The following DDX10 variants were observed in gnomAD, a reference collection of about 807,000 sequenced individuals.
DDX10 encodes the protein probable ATP-dependent RNA helicase DDX10.
Under a neutral mutation model 104.3 loss-of-function variants are expected in DDX10, and 74 were observed. The observed-to-expected ratio is 0.71, with a 90% confidence interval of 0.59 to 0.86. The LOEUF (loss-of-function observed/expected upper bound fraction) is 0.86, where lower values mean the gene tolerates loss of function less well. Ranked by LOEUF, DDX10 falls within the 40% of genes least tolerant of loss-of-function variation. The pLI, the probability that DDX10 is intolerant of heterozygous loss-of-function variation, is 0.00. For missense variants in DDX10, 952 were observed against 1,040.0 expected, an observed-to-expected ratio of 0.92 and a Z score of 1.16; for synonymous variants, 351 against 353.4, an observed-to-expected ratio of 0.99 and a Z score of 0.08.
chr11:108,822,454 A>C (rs575176070), intron 13 of DDX10: 1 of 361,206 alleles, frequency 2.8e-6, no homozygotes, highest in African/African-American at 2.1e-5. Context: ...CAAATAGTGC[A>C]TCAGTGTATC....
At chr11:108,674,805 C>T (rs2094221815) in intron 2 of DDX10, among the ~76,000 whole-genome samples, 1 of 152,178 alleles carries the variant, frequency 6.6e-6, no homozygotes, top group Non-Finnish European at 1.5e-5. Context: ...TGAGCCACCA[C>T]GCCTGGCCTA....
At chr11:108,704,888 T>G (rs2134460146) in intron 9 of DDX10, among the ~76,000 whole-genome samples, 2 of 152,284 alleles carry the variant, frequency 1.3e-5, no homozygotes, top group East Asian at 3.9e-4. Context: ...TGGTGCCTTA[T>G]CCCATGGAAA....
At chr11:108,721,514 T>C (rs553232090) in intron 12 of DDX10, among the ~76,000 whole-genome samples, 1 of 152,154 alleles carries the variant, frequency 6.6e-6, no homozygotes, top group Non-Finnish European at 1.5e-5. Flanking sequence ...AGGGGACCAT[T>C]TGTTGCAATA....
intron 13 of DDX10, among the ~76,000 whole-genome samples, chr11:108,723,837 A>T (rs895773892): frequency 1.3e-5 from 2 of 152,116 alleles, no homozygotes; most frequent in East Asian, 1.9e-4. Context: ...ATTATAAGGA[A>T]CAGTTGTAAT....
intron 16 of DDX10, among the ~76,000 whole-genome samples, chr11:108,863,237 T>A (rs1485249659): frequency 6.6e-6 from 1 of 152,252 alleles, no homozygotes; most frequent in African/African-American, 2.4e-5. Context: ...TTTTTGTTAA[T>A]GTAGCCTCAT....
At chr11:108,783,771 G>T (rs1425525146) in intron 13 of DDX10, among the ~76,000 whole-genome samples, 1 of 152,112 alleles carries the variant, frequency 6.6e-6, no homozygotes, top group East Asian at 1.9e-4. Flanking sequence ...AAATGATCCT[G>T]TCAGATAGTG....
At chr11:108,875,753 G>A (rs551764674) in intron 16 of DDX10, among the ~76,000 whole-genome samples, 2 of 152,262 alleles carry the variant, frequency 1.3e-5, no homozygotes, top group East Asian at 3.9e-4. Flanking sequence ...ACGTTTCGCG[G>A]TCCTGTTGAT....
chr11:108,912,536 C>T (rs1863693973), intron 16 of DDX10, among the ~76,000 whole-genome samples: 1 of 152,166 alleles, frequency 6.6e-6, no homozygotes, highest in Non-Finnish European at 1.5e-5. Flanking sequence ...TAGTTTCCTG[C>T]TAAAATGCTT....
At chr11:108,872,296 A>G in intron 16 of DDX10, among the ~76,000 whole-genome samples, 1 of 152,220 alleles carries the variant, frequency 6.6e-6, no homozygotes, top group South Asian at 2.1e-4. Context: ...TTTGCATTGA[A>G]TATCCTTTAA....
intron 1 of DDX10, among the ~76,000 whole-genome samples, chr11:108,669,602 A>G (rs2094214472): frequency 6.6e-6 from 1 of 152,228 alleles, no homozygotes; most frequent in East Asian, 1.9e-4. Flanking sequence ...TGGAGGCTGC[A>G]GCATGCAGTA....
chr11:108,794,800 C>T (rs1420541623), intron 13 of DDX10, among the ~76,000 whole-genome samples: 1 of 151,708 alleles, frequency 6.6e-6, no homozygotes, highest in South Asian at 2.1e-4. Flanking sequence ...TTTGCGAAAC[C>T]TGTTCCCCTA....
intron 17 of DDX10, among the ~76,000 whole-genome samples, chr11:108,929,125 C>T (rs916337511): frequency 6.6e-6 from 1 of 152,194 alleles, no homozygotes; most frequent in East Asian, 1.9e-4. Flanking sequence ...TGATAAACTG[C>T]TAGTTTACCA....
chr11:108,841,526 G>A (rs1179947991), intron 15 of DDX10, 50 bp downstream of exon 15: 1 of 1,520,446 alleles, frequency 6.6e-7, no homozygotes, highest in Admixed American at 1.8e-5. Context: ...GTGTCCCGAA[G>A]TATATCTAAA....
At chr11:108,803,147 CT>C (rs369275628) in intron 13 of DDX10, among the ~76,000 whole-genome samples, 1,733 of 152,198 alleles carry the variant, frequency 0.011, 34 homozygotes, top group African/African-American at 0.04. Flanking sequence ...ATTAATGATT[CT>C]TTGCCAGCAG....
intron 10 of DDX10, among the ~76,000 whole-genome samples, chr11:108,712,972 A>G (rs1253289664): frequency 1.3e-5 from 2 of 152,148 alleles, no homozygotes; most frequent in African/African-American, 4.8e-5. Context: ...CTCTCTCCAC[A>G]CTTTAAATAT....
At chr11:108,841,741 C>A (rs1488025964) in intron 15 of DDX10, among the ~76,000 whole-genome samples, 1 of 152,036 alleles carries the variant, frequency 6.6e-6, no homozygotes, top group Non-Finnish European at 1.5e-5. Flanking sequence ...GTTATTATTA[C>A]AGTTTTTATT....
chr11:108,894,896 T>C (rs1863421150), intron 16 of DDX10, among the ~76,000 whole-genome samples: 1 of 151,966 alleles, frequency 6.6e-6, no homozygotes, highest in South Asian at 2.1e-4. Flanking sequence ...AAGTGATTGC[T>C]TTTTTCCCTT....
intron 16 of DDX10, among the ~76,000 whole-genome samples, chr11:108,858,291 G>A (rs1014810203): frequency 3.3e-5 from 5 of 151,920 alleles, no homozygotes; most frequent in African/African-American, 7.3e-5. Flanking sequence ...TTATTCTGCC[G>A]TGTTACTTGG....
intron 16 of DDX10, chr11:108,860,989 T>C (rs1448218879): frequency 6.6e-6 from 1 of 152,190 alleles, no homozygotes; most frequent in Non-Finnish European, 1.5e-5. Context: ...TTGATACTAC[T>C]GAGTGTCAAC....
Sources: gnomAD v4.1 joint callset for allele counts (sites outside exome capture counted in the v4.1 genomes callset) on GRCh38, gnomAD v4.1.1 for gene constraint, MANE v1.5 for transcripts, NCBI Gene and HGNC (gene_info 2026-07-23, HGNC 2026-07-21) for gene names.